Variants in CERS6 observed in about 807,000 individuals in gnomAD.
The protein encoded by CERS6 is ceramide synthase 6.
A neutral mutation model predicts 56.8 loss-of-function variants in CERS6; 26 were observed. That is an observed-to-expected ratio of 0.46 (90% CI 0.34 to 0.63). CERS6 has a LOEUF of 0.63. Among genes scored for constraint, CERS6 ranks in the 30% least tolerant of loss-of-function variants. The pLI is 0.01. For missense variants in CERS6, 415 were observed against 467.5 expected (o/e 0.89, Z 1.04); for synonymous variants, 164 against 173.3 (o/e 0.95, Z 0.42).
At chr2:168,595,126 A>G (rs532342641) in intron 3 of CERS6, among the ~76,000 whole-genome samples, 1 of 152,326 alleles carries the variant, frequency 6.6e-6, no homozygotes, top group African/African-American at 2.4e-5. Context: ...TTGAAGAGAC[A>G]GAAGCACCCT....
At chr2:168,541,960 G>A (rs560366362) in intron 1 of CERS6, among the ~76,000 whole-genome samples, 1 of 152,058 alleles carries the variant, frequency 6.6e-6, no homozygotes, top group Admixed American at 6.5e-5. Flanking sequence ...TCAAAATTTT[G>A]CTTGCTGCTG....
At position 168,543,945 on chromosome 2, in the gene CERS6, A is replaced by T. The variant is rs375759742; in HGVS notation, c.171-3651A>T. On this transcript the variant is annotated intron_variant, in intron 1 of 9. Transcript: ENST00000305747. The stretch of plus-strand genomic sequence containing the variant: ...CTGAGTAGATGTGGATATTCAAGGA[A>T]ATTAAAATGCAAAGCCCCTTTGGAA... 2.0e-5 allele frequency among the ~76,000 whole-genome samples: 3 copies of T among 152,166 alleles called. No homozygotes were observed. In the East Asian group the frequency reaches 5.8e-4, roughly 29 times the overall value.
At chr2:168,632,168 A>G (rs1684762284) in intron 4 of CERS6, among the ~76,000 whole-genome samples, 1 of 151,936 alleles carries the variant, frequency 6.6e-6, no homozygotes, top group Non-Finnish European at 1.5e-5. Context: ...TCATAGTCGT[A>G]CACATATTAA....
intron 1 of CERS6, among the ~76,000 whole-genome samples, chr2:168,459,557 T>G (rs1693740521): frequency 6.6e-6 from 1 of 152,172 alleles, no homozygotes; most frequent in Non-Finnish European, 1.5e-5. Flanking sequence ...AGCATAGCCT[T>G]TATACCATAC....
intron 6 of CERS6, among the ~76,000 whole-genome samples, chr2:168,700,692 G>A (rs988691339): frequency 6.6e-6 from 1 of 152,140 alleles, no homozygotes; most frequent in African/African-American, 2.4e-5. Flanking sequence ...CTCCTAATTC[G>A]ATGTGACCTT....
chr2:168,729,057 A>G (rs1257553439), intron 8 of CERS6, among the ~76,000 whole-genome samples: 1 of 151,188 alleles, frequency 6.6e-6, no homozygotes, highest in Non-Finnish European at 1.5e-5. Flanking sequence ...AACGCTCTCT[A>G]CACAGAATTA....
intron 4 of CERS6, among the ~76,000 whole-genome samples, chr2:168,634,713 CAT>C (rs756944671): frequency 7.2e-5 from 11 of 152,314 alleles, no homozygotes; most frequent in African/African-American, 1.4e-4. Flanking sequence ...ACACCCGACA[CAT>C]GTGGTACATT....
intron 1 of CERS6, among the ~76,000 whole-genome samples, chr2:168,538,927 T>C (rs1695317134): frequency 6.6e-6 from 1 of 152,214 alleles, no homozygotes; most frequent in Non-Finnish European, 1.5e-5. Context: ...CCTCTTTAAT[T>C]TACTTTTCTT....
intron 1 of CERS6, among the ~76,000 whole-genome samples, chr2:168,507,643 G>A (rs935939663): frequency 6.6e-6 from 1 of 152,010 alleles, no homozygotes; most frequent in Non-Finnish European, 1.5e-5. Flanking sequence ...AGTATTTTGT[G>A]GGGAGGTCTT....
chr2:168,733,041 T>C (rs1683595149), intron 8 of CERS6, among the ~76,000 whole-genome samples: 1 of 152,198 alleles, frequency 6.6e-6, no homozygotes, highest in African/African-American at 2.4e-5. Context: ...CACCAGTGGC[T>C]TCCATGAGTT....
At chr2:168,615,948 G>A (rs1313454693) in intron 3 of CERS6, among the ~76,000 whole-genome samples, 1 of 152,212 alleles carries the variant, frequency 6.6e-6, no homozygotes, top group Non-Finnish European at 1.5e-5. Flanking sequence ...ACGAGGGAAA[G>A]AATCTTAAGA....
chr2:168,494,986 C>T (rs78502254), intron 1 of CERS6, among the ~76,000 whole-genome samples: 14,711 of 152,048 alleles, frequency 0.097, 824 homozygotes, highest in East Asian at 0.18. Context: ...CTTTTTAGAC[C>T]ATAGGGTCAT....
chr2:168,653,350 T>A (rs1326653452), intron 4 of CERS6, among the ~76,000 whole-genome samples: 3 of 152,210 alleles, frequency 2.0e-5, no homozygotes, highest in African/African-American at 7.2e-5. Context: ...TTCAACTAGA[T>A]GGCTCTGACA....
At chr2:168,618,778 TA>T (rs1387243198) in intron 3 of CERS6, among the ~76,000 whole-genome samples, 1 of 152,176 alleles carries the variant, frequency 6.6e-6, no homozygotes, top group Non-Finnish European at 1.5e-5. Flanking sequence ...GTGGGTAGAA[TA>T]AATATTGTGA....
chr2:168,503,937 G>A (rs940078301), intron 1 of CERS6, among the ~76,000 whole-genome samples: 3 of 152,198 alleles, frequency 2.0e-5, no homozygotes, highest in African/African-American at 7.2e-5. Flanking sequence ...TAGGGGTCTG[G>A]AGAGGAAAGG....
chr2:168,466,237 G>A (rs866506529), intron 1 of CERS6, among the ~76,000 whole-genome samples: 49 of 152,258 alleles, frequency 3.2e-4, no homozygotes, highest in African/African-American at 1.2e-3. Context: ...CTGGCTGCAT[G>A]TGTAGAAGAG....
chr2:168,733,386 C>T (rs1048242531), intron 8 of CERS6, among the ~76,000 whole-genome samples: 3 of 152,154 alleles, frequency 2.0e-5, no homozygotes, highest in Non-Finnish European at 2.9e-5. Flanking sequence ...TTCCACATCA[C>T]CTGAGAACAG....
chr2:168,698,261 A>AAAAAAAAAAAAAAAGAAAAAG (rs1686715961), intron 6 of CERS6, among the ~76,000 whole-genome samples: 1 of 23,654 alleles, frequency 4.2e-5, no homozygotes, highest in African/African-American at 1.4e-4. Flanking sequence ...AAAAGAAAAA[A>AAAAAAAAAAAAAAAGAAAAAG]AAAAAAAAAA....
At chr2:168,641,298 C>T (rs1685037802) in intron 4 of CERS6, among the ~76,000 whole-genome samples, 1 of 151,974 alleles carries the variant, frequency 6.6e-6, no homozygotes, top group Non-Finnish European at 1.5e-5. Context: ...TGATTGTAAT[C>T]AGTTTAACCG....
Sources: allele counts gnomAD v4.1 joint callset (sites outside exome capture counted in the v4.1 genomes callset), GRCh38; gene constraint gnomAD v4.1.1; transcripts MANE v1.5; gene names NCBI Gene and HGNC (gene_info 2026-07-23, HGNC 2026-07-21).